Variants in IGF2BP3 observed in about 807,000 individuals in gnomAD.
IGF2BP3 encodes insulin-like growth factor 2 mRNA-binding protein 3.
In IGF2BP3, 9 loss-of-function variants were observed where a neutral mutation model predicts 73.8. The ratio of observed to expected loss-of-function variants is 0.12; its 90% CI spans 0.07 to 0.21. IGF2BP3 has a LOEUF of 0.21. Ranked by LOEUF, IGF2BP3 falls within the 10% of genes least tolerant of loss-of-function variation. The probability of loss-of-function intolerance (pLI) is 1.00; values close to 1 mark genes in which losing one functional copy is unlikely to be tolerated. For missense variants in IGF2BP3, 542 were observed against 714.0 expected, an observed-to-expected ratio of 0.76 and a Z score of 2.75; for synonymous variants, 258 against 256.7, an observed-to-expected ratio of 1.01 and a Z score of -0.05.
intron 2 of IGF2BP3, among the ~76,000 whole-genome samples, chr7:23,455,425 A>ATCCC (rs1411884101): frequency 2.6e-5 from 4 of 152,164 alleles, no homozygotes; most frequent in Non-Finnish European, 4.4e-5. Flanking sequence ...CTATTTTCAC[A>ATCCC]TCCCTCTCTG....
At chr7:23,352,580 A>T (rs1212855737) in intron 5 of IGF2BP3, among the ~76,000 whole-genome samples, 1 of 152,060 alleles carries the variant, frequency 6.6e-6, no homozygotes. Context: ...GAGCTACTGT[A>T]CCCAGCCTCT....
chr7:23,390,594 G>A (rs1376702515), intron 3 of IGF2BP3, among the ~76,000 whole-genome samples: 1 of 152,128 alleles, frequency 6.6e-6, no homozygotes, highest in Non-Finnish European at 1.5e-5. Flanking sequence ...TCTGGCACAT[G>A]AATGAAATCC....
rs77868913 is a variant in IGF2BP3, at chr7:23,434,178, A to G, written c.237-15354T>C. ...CATCACTAAAACTGTACCTGCAAGA[A>G]GAGGTGTTTTAAGATTACTAAACTT... is the stretch of plus-strand genomic sequence containing the variant. On this transcript the variant is annotated intron_variant, in intron 2 of 14. Coordinates refer to ENST00000258729, the MANE Select transcript of IGF2BP3 (RefSeq NM_006547.3). 2.3e-3 allele frequency among the ~76,000 whole-genome samples: 344 copies of G among 152,306 alleles called. 1 individual carries two copies. The highest frequency in any genetic ancestry group is 7.9e-3 in the African/African-American group (328 of 41,570).
chr7:23,354,624 A>G (rs970547809), intron 5 of IGF2BP3, among the ~76,000 whole-genome samples: 18 of 152,236 alleles, frequency 1.2e-4, no homozygotes, highest in African/African-American at 3.9e-4. Flanking sequence ...ATGTATCACA[A>G]GAAACAACTT....
intron 2 of IGF2BP3, among the ~76,000 whole-genome samples, chr7:23,423,953 A>T (rs1264440187): frequency 6.6e-6 from 1 of 151,716 alleles, no homozygotes; most frequent in Non-Finnish European, 1.5e-5. Context: ...CCTCGTCTCT[A>T]CTAAAAACAT....
In IGF2BP3 at chr7:23,310,383, T is replaced by C. The variant is rs1389210997; in HGVS notation, c.*1979A>G. 1 of 152,112 alleles carries C rather than the reference T, an allele frequency of 6.6e-6. No individual in the cohort carries two copies. Among genetic ancestry groups the C allele is most frequent in the Admixed American group, 6.5e-5 (1 of 15,272 alleles). 9.4% of individuals were successfully genotyped at this position (152,112 alleles called of 1,614,324 possible). On this transcript the variant is annotated 3_prime_UTR_variant, in exon 15 of 15. Transcript: ENST00000258729. The stretch of plus-strand genomic sequence containing the variant: ...CAAATTACAAATGCTTAAGTAAAAG[T>C]AAAATATGATTTGCCATACTAAAAG...
Position 23,370,316 on chromosome 7 carries a change from T to G in IGF2BP3, c.286-8575A>C, listed in dbSNP as rs182315909. Among the ~76,000 whole-genome samples, 45 of 152,304 alleles carry G rather than the reference T, an allele frequency of 3.0e-4. 1 individual carries two copies. The highest frequency in any genetic ancestry group is 1.0e-3 in the African/African-American group (42 of 41,562). On this transcript the variant is annotated intron_variant, in intron 3 of 14. Transcript: ENST00000258729. ...TGTCACAGTAATCTAGTTTTCAGAG[T>G]CACACTGACTTCCATGCTTAAGCTG... is the stretch of plus-strand genomic sequence containing the variant.
At chr7:23,332,508 T>A (rs1478915445) in intron 10 of IGF2BP3, among the ~76,000 whole-genome samples, 1 of 152,256 alleles carries the variant, frequency 6.6e-6, no homozygotes, top group Non-Finnish European at 1.5e-5. Flanking sequence ...AGAAGAAGAC[T>A]TGCCTTCCTA....
chr7:23,368,017 AC>A (rs1221762744), intron 3 of IGF2BP3, among the ~76,000 whole-genome samples: 1 of 151,794 alleles, frequency 6.6e-6, no homozygotes, highest in Non-Finnish European at 1.5e-5. Context: ...ACAAAAAAAA[AC>A]AAAAAAACAA....
At chr7:23,384,485 T>C (rs1786018993) in intron 3 of IGF2BP3, among the ~76,000 whole-genome samples, 1 of 152,182 alleles carries the variant, frequency 6.6e-6, no homozygotes, top group Admixed American at 6.5e-5. Flanking sequence ...CAAAGTCCTA[T>C]TTATAAGAAT....
At chr7:23,364,458 G>A (rs1173867279) in intron 3 of IGF2BP3, among the ~76,000 whole-genome samples, 1 of 147,372 alleles carries the variant, frequency 6.8e-6, no homozygotes, top group African/African-American at 2.5e-5. Context: ...CGAGGCAAGA[G>A]AATTACTTGA....
chr7:23,390,697 C>T (rs1197116740), intron 3 of IGF2BP3, among the ~76,000 whole-genome samples: 1 of 152,084 alleles, frequency 6.6e-6, no homozygotes. Flanking sequence ...GTATAGGCAG[C>T]ACAGGAATGC....
chr7:23,341,962 C>A (rs1784723021), intron 10 of IGF2BP3, 102 bp downstream of exon 10: 1 of 1,274,718 alleles, frequency 7.8e-7, no homozygotes, highest in Non-Finnish European at 1.0e-6. Context: ...TTAGCAAGAA[C>A]TGGAGAGCAT....
chr7:23,430,133 G>C (rs984617803), intron 2 of IGF2BP3, among the ~76,000 whole-genome samples: 8 of 150,862 alleles, frequency 5.3e-5, no homozygotes, highest in African/African-American at 2.0e-4. Flanking sequence ...ACCCAGGCTG[G>C]AGTGCAGTGG....
At chr7:23,331,148 C>T (rs1205560240) in intron 10 of IGF2BP3, among the ~76,000 whole-genome samples, 1 of 152,154 alleles carries the variant, frequency 6.6e-6, no homozygotes, top group Admixed American at 6.5e-5. Flanking sequence ...AAGATGATTT[C>T]TTCCTTTCTT....
intron 3 of IGF2BP3, among the ~76,000 whole-genome samples, chr7:23,396,972 T>C (rs1011973720): frequency 6.6e-6 from 1 of 152,174 alleles, no homozygotes; most frequent in African/African-American, 2.4e-5. Context: ...AGGGACTCTG[T>C]ATGGTTGTCA....
intron 2 of IGF2BP3, among the ~76,000 whole-genome samples, chr7:23,462,302 G>C (rs1391587378): frequency 6.6e-6 from 1 of 151,528 alleles, no homozygotes; most frequent in African/African-American, 2.4e-5. Flanking sequence ...AATAATGCCA[G>C]ACATTCTAAA....
intron 3 of IGF2BP3, among the ~76,000 whole-genome samples, chr7:23,364,172 G>A (rs182840379): frequency 1.1e-4 from 16 of 151,976 alleles, no homozygotes; most frequent in African/African-American, 3.4e-4. Flanking sequence ...TGAGGAGATC[G>A]AGAGCAGCCT....
At chr7:23,372,892 G>C (rs932454605) in intron 3 of IGF2BP3, among the ~76,000 whole-genome samples, 2 of 152,184 alleles carry the variant, frequency 1.3e-5, no homozygotes, top group African/African-American at 4.8e-5. Context: ...AGATGGGCAA[G>C]CTGCAGCACA....
Sources: gnomAD v4.1 joint callset for allele counts (sites outside exome capture counted in the v4.1 genomes callset) on GRCh38, gnomAD v4.1.1 for gene constraint, MANE v1.5 for transcripts, NCBI Gene and HGNC (gene_info 2026-07-23, HGNC 2026-07-21) for gene names.